MSRA: variants seen among roughly 807,000 people sequenced by gnomAD.
MSRA encodes the protein methionine sulfoxide reductase A.
A neutral mutation model predicts 31.3 loss-of-function variants in MSRA; 54 were observed. The observed-to-expected ratio is 1.73, with a 90% CI of 1.39 to 2.17. The LOEUF is 2.17. Among genes scored for constraint, MSRA ranks in the 30% most tolerant of loss-of-function variants. MSRA has a pLI of 0.00. For missense variants in MSRA, 507 were observed against 300.9 expected (o/e 1.69, Z -5.07); for synonymous variants, 169 against 116.5 (o/e 1.45, Z -2.90).
intron 5 of MSRA, among the ~76,000 whole-genome samples, chr8:10,342,550 C>T (rs570561115): frequency 1.4e-4 from 21 of 152,340 alleles, no homozygotes; most frequent in Admixed American, 1.1e-3. Context: ...ATCTTGATTG[C>T]ACAGGTTACC....
chr8:10,159,323 T>C (rs1484422791), intron 1 of MSRA, among the ~76,000 whole-genome samples: 2 of 151,312 alleles, frequency 1.3e-5, no homozygotes, highest in African/African-American at 2.4e-5. Flanking sequence ...TCTGGAGGGG[T>C]TGAGTTTGCA....
chr8:10,178,175 A>T (rs1806218792), intron 1 of MSRA, among the ~76,000 whole-genome samples: 1 of 152,176 alleles, frequency 6.6e-6, no homozygotes, highest in Non-Finnish European at 1.5e-5. Context: ...AAATGTCTGC[A>T]TTGTCCTTGA....
chr8:10,095,181 T>C (rs1799069908), intron 1 of MSRA, among the ~76,000 whole-genome samples: 1 of 152,228 alleles, frequency 6.6e-6, no homozygotes, highest in African/African-American at 2.4e-5. Context: ...GTGGTGCTTA[T>C]TAAAGTTACA....
intron 5 of MSRA, among the ~76,000 whole-genome samples, chr8:10,394,715 C>G (rs1172582848): frequency 6.6e-6 from 1 of 152,274 alleles, no homozygotes; most frequent in Non-Finnish European, 1.5e-5. Flanking sequence ...CCCTTCTGCA[C>G]TCTGCCCCAG....
chr8:10,315,455 AT>A (rs1268036748), intron 4 of MSRA, among the ~76,000 whole-genome samples: 2 of 152,220 alleles, frequency 1.3e-5, no homozygotes, highest in Non-Finnish European at 2.9e-5. Context: ...TCACTTTATA[AT>A]CACTAATTAT....
In MSRA at chr8:10,265,604, G is replaced by A. The variant is rs1324704327; in HGVS notation, c.331+20381G>A. ...GAGTTCTTTTAGAAACAGTTGAATTGGGCTGTAAGTGATCTATATTAAAGT... is the reference window on the plus strand; with the variant it reads ...GAGTTCTTTTAGAAACAGTTGAATTAGGCTGTAAGTGATCTATATTAAAGT... On this transcript the variant is annotated intron_variant, in intron 3 of 5. Transcript: ENST00000317173. 3.3e-5 allele frequency among the ~76,000 whole-genome samples: 5 copies of A among 152,132 alleles called. No individual in the cohort carries two copies. The East Asian group carries it at 9.6e-4, about 29-fold the overall frequency.
chr8:10,237,713 C>A (rs746743189), intron 2 of MSRA, among the ~76,000 whole-genome samples: 28 of 152,344 alleles, frequency 1.8e-4, no homozygotes, highest in African/African-American at 5.8e-4. Flanking sequence ...AGCCAGTAAT[C>A]TTCGAGTCAG....
At chr8:10,256,241 A>T (rs1563275918) in intron 3 of MSRA, among the ~76,000 whole-genome samples, 2 of 151,986 alleles carry the variant, frequency 1.3e-5, no homozygotes, top group Non-Finnish European at 2.9e-5. Flanking sequence ...TCCTTTTCGG[A>T]TTGGCTTCTT....
chr8:10,069,361 T>C (rs1585081394), intron 1 of MSRA, among the ~76,000 whole-genome samples: 1 of 152,354 alleles, frequency 6.6e-6, no homozygotes, highest in East Asian at 1.9e-4. Flanking sequence ...AAGCATCTAG[T>C]TTCTACTTTT....
intron 5 of MSRA, among the ~76,000 whole-genome samples, chr8:10,424,422 G>C (rs933295343): frequency 6.6e-6 from 1 of 151,436 alleles, no homozygotes; most frequent in Non-Finnish European, 1.5e-5. Context: ...AATAGGATCG[G>C]GGAGAAGGGC....
At chr8:10,073,750 T>G (rs952355650) in intron 1 of MSRA, among the ~76,000 whole-genome samples, 4 of 152,130 alleles carry the variant, frequency 2.6e-5, no homozygotes, top group African/African-American at 9.7e-5. Flanking sequence ...CTACTCTTTG[T>G]CTGTATTTCT....
At chr8:10,334,907 G>A (rs1219092112) in intron 5 of MSRA, among the ~76,000 whole-genome samples, 3 of 152,340 alleles carry the variant, frequency 2.0e-5, no homozygotes, top group African/African-American at 4.8e-5. Context: ...CCACGTGATG[G>A]CTGTTCGGGC....
At chr8:10,095,086 A>T (rs968631472) in intron 1 of MSRA, among the ~76,000 whole-genome samples, 1 of 152,212 alleles carries the variant, frequency 6.6e-6, no homozygotes, top group Non-Finnish European at 1.5e-5. Flanking sequence ...TTTTAATTTT[A>T]ATCTGCATGC....
chr8:10,304,929 A>G (rs892324648), intron 4 of MSRA, among the ~76,000 whole-genome samples: 24 of 152,236 alleles, frequency 1.6e-4, no homozygotes, highest in African/African-American at 5.3e-4. Context: ...TACTCGAGCA[A>G]TGCTCTTGCC....
intron 3 of MSRA, among the ~76,000 whole-genome samples, chr8:10,277,839 C>T (rs1201870530): frequency 4.6e-5 from 3 of 65,330 alleles, no homozygotes; most frequent in African/African-American, 1.6e-4. Flanking sequence ...ACAATGTATA[C>T]ATATTTGAAA....
chr8:10,290,583 G>C (rs541745823), intron 3 of MSRA, among the ~76,000 whole-genome samples: 2 of 152,160 alleles, frequency 1.3e-5, no homozygotes, highest in Admixed American at 6.5e-5. Context: ...CCTGCCCCCA[G>C]CTCTCCTGTA....
intron 3 of MSRA, among the ~76,000 whole-genome samples, chr8:10,293,027 A>C (rs939160333): frequency 5.3e-5 from 8 of 152,160 alleles, no homozygotes; most frequent in Non-Finnish European, 7.4e-5. Context: ...GCCTCTGGCT[A>C]GGCTTGGGGT....
At chr8:10,106,014 G>A (rs1373025139) in intron 1 of MSRA, among the ~76,000 whole-genome samples, 1 of 152,162 alleles carries the variant, frequency 6.6e-6, no homozygotes. Flanking sequence ...TTTAAAATTG[G>A]AATCGGAAAG....
chr8:10,335,250 G>GTTTTTTTTTTT lies in MSRA; in HGVS notation c.543+15274_543+15284dup, dbSNP rs1170264568. On this transcript the variant is annotated intron_variant, in intron 5 of 5. Coordinates refer to ENST00000317173, the MANE Select transcript of MSRA (RefSeq NM_012331.5). ...TTCACCCTTAACACCTCCCAGCTCTGTTTTTTTTTTTTTTTTTTTTTTTGT... is the reference window on the plus strand; with the variant it reads ...TTCACCCTTAACACCTCCCAGCTCTGTTTTTTTTTTTTTTTTTTTTTTTTTTTTTTTTTTGT... Among the ~76,000 whole-genome samples the GTTTTTTTTTTT allele has an allele frequency of 1.3e-3, 102 of 79,856 alleles. 2 individuals are homozygous for GTTTTTTTTTTT. The highest frequency in any genetic ancestry group is 2.4e-3 in the African/African-American group (44 of 18,494). 52.4% of individuals were successfully genotyped at this position (79,856 alleles called of 152,430 possible). A position where few individuals can be genotyped will look rare whatever the true frequency, so the allele number is the denominator to read the frequency against.
Sources: gnomAD v4.1 joint callset for allele counts (sites outside exome capture counted in the v4.1 genomes callset) on GRCh38, gnomAD v4.1.1 for gene constraint, MANE v1.5 for transcripts, NCBI Gene and HGNC (gene_info 2026-07-23, HGNC 2026-07-21) for gene names.